Variants in CCDC91 observed in about 807,000 individuals in gnomAD.
CCDC91 encodes coiled-coil domain-containing protein 91.
A neutral mutation model predicts 63.2 loss-of-function variants in CCDC91; 48 were observed. The ratio of observed to expected loss-of-function variants is 0.76; its 90% confidence interval spans 0.60 to 0.97. CCDC91 has a LOEUF of 0.97. Ranked by LOEUF, CCDC91 falls within the 50% of genes least tolerant of loss-of-function variation. The probability of loss-of-function intolerance (pLI) is 0.00; values close to 1 mark genes in which losing one functional copy is unlikely to be tolerated. For synonymous variants in CCDC91, 167 were observed against 165.8 expected, an observed-to-expected ratio of 1.01 and a Z score of -0.06; for missense variants, 500 against 494.6, an observed-to-expected ratio of 1.01 and a Z score of -0.10.
intron 3 of CCDC91, among the ~76,000 whole-genome samples, chr12:28,280,912 G>T (rs1047571144): frequency 2.6e-5 from 4 of 151,770 alleles, no homozygotes; most frequent in African/African-American, 9.7e-5. Flanking sequence ...AGGAGTTGGA[G>T]ACTGCAGTCA....
intron 12 of CCDC91, among the ~76,000 whole-genome samples, chr12:28,488,444 A>T (rs1392848629): frequency 6.6e-6 from 1 of 151,902 alleles, no homozygotes; most frequent in Non-Finnish European, 1.5e-5. Flanking sequence ...TTTTAAAATG[A>T]TCAACCAGAA....
intron 3 of CCDC91, among the ~76,000 whole-genome samples, chr12:28,303,769 GAAGTT>G (rs1938343627): frequency 6.6e-6 from 1 of 152,112 alleles, no homozygotes; most frequent in African/African-American, 2.4e-5. Flanking sequence ...GAAGCACAGA[GAAGTT>G]AAGTAACTTG....
intron 6 of CCDC91, among the ~76,000 whole-genome samples, chr12:28,326,360 T>C (rs1940995859): frequency 6.8e-6 from 1 of 146,000 alleles, no homozygotes; most frequent in Non-Finnish European, 1.5e-5. Context: ...GAATGATTTT[T>C]ATTTTTATTT....
chr12:28,522,445 C>G (rs533462084), intron 12 of CCDC91, among the ~76,000 whole-genome samples: 6 of 152,090 alleles, frequency 3.9e-5, no homozygotes, highest in Admixed American at 3.9e-4. Context: ...TTTATTGCGT[C>G]TATTTGATTC....
chr12:28,399,293 T>C (rs1946473716), intron 8 of CCDC91, among the ~76,000 whole-genome samples: 1 of 152,180 alleles, frequency 6.6e-6, no homozygotes, highest in African/African-American at 2.4e-5. Context: ...GAAAAGCCCC[T>C]TTAAAACCAT....
chr12:28,352,002 G>T (rs1209553270), intron 6 of CCDC91, among the ~76,000 whole-genome samples: 1 of 152,106 alleles, frequency 6.6e-6, no homozygotes, highest in Non-Finnish European at 1.5e-5. Flanking sequence ...GTTCCAGACT[G>T]CTGCAGTAAA....
intron 1 of CCDC91, among the ~76,000 whole-genome samples, chr12:28,200,278 TTTTATTTA>T (rs1023208091): frequency 2.6e-5 from 4 of 151,414 alleles, no homozygotes; most frequent in South Asian, 2.1e-4. Flanking sequence ...CTATGTTTCT[TTTTATTTA>T]TTTATTTATT....
intron 3 of CCDC91, among the ~76,000 whole-genome samples, chr12:28,267,068 A>G (rs751438646): frequency 1.3e-5 from 2 of 151,288 alleles, no homozygotes; most frequent in Non-Finnish European, 3.0e-5. Flanking sequence ...GTATGTACAT[A>G]TATATATATA....
chr12:28,509,399 C>T (rs189383276), intron 12 of CCDC91, among the ~76,000 whole-genome samples: 306 of 151,024 alleles, frequency 2.0e-3, no homozygotes, highest in Middle Eastern at 7.1e-3. Flanking sequence ...ATCTTGGTGG[C>T]AGGATAGGGG....
chr12:28,481,368 C>A (rs1951438829), intron 11 of CCDC91, among the ~76,000 whole-genome samples: 1 of 151,904 alleles, frequency 6.6e-6, no homozygotes, highest in South Asian at 2.1e-4. Context: ...GGTTGAGAAA[C>A]CCTTCCTTAA....
At chr12:28,202,699 C>G (rs1009801508) in intron 1 of CCDC91, among the ~76,000 whole-genome samples, 3 of 152,220 alleles carry the variant, frequency 2.0e-5, no homozygotes, top group African/African-American at 7.2e-5. Context: ...TAAAGTGTAG[C>G]AAGAAGTCAA....
intron 11 of CCDC91, among the ~76,000 whole-genome samples, chr12:28,479,249 G>A (rs1392334292): frequency 6.6e-6 from 1 of 152,148 alleles, no homozygotes; most frequent in Non-Finnish European, 1.5e-5. Flanking sequence ...TTAAGAAAAT[G>A]TGACACATGT....
chr12:28,261,517 G>A (rs716687), intron 3 of CCDC91, among the ~76,000 whole-genome samples: 30,784 of 151,818 alleles, frequency 0.2, 4,032 homozygotes, highest in Non-Finnish European at 0.3. Flanking sequence ...AAGGCATTAG[G>A]GAGGTCAATG....
At chr12:28,281,395 A>G (rs1948603791) in intron 3 of CCDC91, among the ~76,000 whole-genome samples, 1 of 152,180 alleles carries the variant, frequency 6.6e-6, no homozygotes, top group Admixed American at 6.6e-5. Context: ...TGCAGTCCAC[A>G]CACAGAATTT....
At chr12:28,399,083 A>G (rs1342924291) in intron 8 of CCDC91, among the ~76,000 whole-genome samples, 3 of 152,210 alleles carry the variant, frequency 2.0e-5, no homozygotes, top group African/African-American at 2.4e-5. Context: ...AAGAGATTTA[A>G]CTGACAGTTC....
chr12:28,304,413 A>G (rs1938475255), intron 3 of CCDC91, among the ~76,000 whole-genome samples: 1 of 142,676 alleles, frequency 7.0e-6, no homozygotes, highest in Non-Finnish European at 1.6e-5. Flanking sequence ...AAAAAAAAAA[A>G]AAGAAAAAAA....
intron 12 of CCDC91, among the ~76,000 whole-genome samples, chr12:28,490,987 A>G (rs187852223): frequency 1.3e-5 from 2 of 151,970 alleles, no homozygotes; most frequent in Admixed American, 1.3e-4. Context: ...ATTATATCCC[A>G]TTATTCCTGT....
intron 4 of CCDC91, among the ~76,000 whole-genome samples, chr12:28,306,205 T>C (rs989673403): frequency 1.3e-5 from 2 of 152,076 alleles, no homozygotes; most frequent in South Asian, 2.1e-4. Flanking sequence ...ACCAAAAATA[T>C]AGCAGTTATA....
chr12:28,215,759 G>A (rs974161209), intron 1 of CCDC91, among the ~76,000 whole-genome samples: 3 of 152,086 alleles, frequency 2.0e-5, no homozygotes, highest in Non-Finnish European at 4.4e-5. Flanking sequence ...ACACTGTCAA[G>A]TATATGAACA....
Sources: allele counts gnomAD v4.1 joint callset (sites outside exome capture counted in the v4.1 genomes callset), GRCh38; gene constraint gnomAD v4.1.1; transcripts MANE v1.5; gene names NCBI Gene and HGNC (gene_info 2026-07-23, HGNC 2026-07-21).